Variants in NWD2 observed in about 807,000 individuals in gnomAD.
The protein encoded by NWD2 is NACHT and WD repeat domain-containing protein 2.
In NWD2, 37 loss-of-function variants were observed where a neutral mutation model predicts 132.7. The ratio of observed to expected loss-of-function variants is 0.28; its 90% confidence interval spans 0.21 to 0.37. The LOEUF (loss-of-function observed/expected upper bound fraction) is 0.37. Ranked by LOEUF, NWD2 falls within the 10% of genes least tolerant of loss-of-function variation. The pLI is 1.00. For synonymous variants in NWD2, 705 were observed against 803.0 expected (o/e 0.88, Z 2.06); for missense variants, 1,592 against 2,122.4 (o/e 0.75, Z 4.91).
Position 37,448,508 on chromosome 4 carries a change from A to G in NWD2, c.*1291A>G, listed in dbSNP as rs1459957767. ...TTAATTCACCTGTTTAAAAGAAAAC[A>G]TTGCATCTCAAAAGGTGAAGATGAT... On this transcript the variant is annotated 3_prime_UTR_variant, in exon 7 of 7. Transcript: ENST00000309447. The G allele has an allele frequency of 1.3e-5, 2 of 152,224 alleles. No individual in the cohort carries two copies. Among genetic ancestry groups the G allele is most frequent in the Admixed American group, 1.3e-4 (2 of 15,286 alleles). The allele number at this position is 152,224 out of a possible 1,614,324, so 9.4% of individuals were successfully genotyped here. A position where few individuals can be genotyped will look rare whatever the true frequency, so the allele number is the denominator to read the frequency against.
chr4:37,268,851 G>A (rs1717811861), intron 1 of NWD2, among the ~76,000 whole-genome samples: 1 of 151,826 alleles, frequency 6.6e-6, no homozygotes, highest in Non-Finnish European at 1.5e-5. Context: ...TAAGAGGCAA[G>A]TAAGTGGGCC....
chr4:37,391,418 G>A (rs1034809598), intron 3 of NWD2, among the ~76,000 whole-genome samples: 5 of 152,200 alleles, frequency 3.3e-5, no homozygotes, highest in African/African-American at 1.2e-4. Flanking sequence ...AGGAGTGGGT[G>A]TATTTTGGTC....
intron 3 of NWD2, among the ~76,000 whole-genome samples, chr4:37,419,964 C>G (rs1042107090): frequency 3.9e-5 from 6 of 152,150 alleles, no homozygotes; most frequent in Non-Finnish European, 5.9e-5. Flanking sequence ...ATGTTATACT[C>G]ATTTTTATTG....
Position 37,244,903 on chromosome 4 carries a change from C to G in NWD2, c.-165C>G, listed in dbSNP as rs1038806078. 1.5e-5 allele frequency: 12 copies of G among 819,830 alleles called. No homozygotes were observed. The African/African-American group carries it at 1.7e-4, about 11-fold the overall frequency. The allele number at this position is 819,830 out of a possible 1,614,324, so 50.8% of individuals were successfully genotyped here. On this transcript the variant is annotated 5_prime_UTR_variant, in exon 1 of 7. Transcript: ENST00000309447. This position sits in a 1 kb window ranked among gnomAD's most constrained non-coding sequence, Gnocchi z 5.5. The stretch of plus-strand genomic sequence containing the variant: ...TATGGCTTCTCCTCGCCGGCGGGTG[C>G]TGTGCGCCACGGAGCTCGCCAAAGG...
chr4:37,370,092 C>T (rs1164146586), intron 3 of NWD2, among the ~76,000 whole-genome samples: 1 of 152,318 alleles, frequency 6.6e-6, no homozygotes, highest in East Asian at 1.9e-4. Flanking sequence ...GGGAAACTAC[C>T]TGCACAACTA....
At chr4:37,294,754 A>T (rs1718442053) in intron 1 of NWD2, among the ~76,000 whole-genome samples, 1 of 152,274 alleles carries the variant, frequency 6.6e-6, no homozygotes, top group Non-Finnish European at 1.5e-5. Context: ...GACATCAAAG[A>T]GTAAGCAAAA....
chr4:37,282,889 G>A (rs1718157192), intron 1 of NWD2, among the ~76,000 whole-genome samples: 1 of 152,086 alleles, frequency 6.6e-6, no homozygotes, highest in African/African-American at 2.4e-5. Flanking sequence ...AATTATAACA[G>A]GTACTGTTTA....
chr4:37,366,782 C>T lies in NWD2; in HGVS notation c.357+10300C>T, dbSNP rs921158972. 6.6e-5 allele frequency among the ~76,000 whole-genome samples: 10 copies of T among 152,088 alleles called. No homozygotes were observed. The East Asian group carries it at 1.9e-3, about 29-fold the overall frequency. The stretch of plus-strand genomic sequence containing the variant: ...CATAATGATAAAAGGTTCAATTCAA[C>T]AGAAAAATGTAATATTTCTATATTT... On this transcript the variant is annotated intron_variant, in intron 3 of 6. Transcript: ENST00000309447.
intron 1 of NWD2, among the ~76,000 whole-genome samples, chr4:37,252,902 A>G (rs1463656468): frequency 6.6e-6 from 1 of 152,170 alleles, no homozygotes; most frequent in African/African-American, 2.4e-5. Context: ...GTCTAGATTC[A>G]AGGTGGGGAG....
At chr4:37,250,851 G>A (rs932006093) in intron 1 of NWD2, among the ~76,000 whole-genome samples, 4 of 152,190 alleles carry the variant, frequency 2.6e-5, no homozygotes, top group South Asian at 2.1e-4. Context: ...TACTATACAC[G>A]TAGGTCATAT....
intron 2 of NWD2, among the ~76,000 whole-genome samples, chr4:37,353,862 A>G (rs981462633): frequency 3.3e-5 from 5 of 151,934 alleles, no homozygotes; most frequent in Non-Finnish European, 7.4e-5. Flanking sequence ...CATCAAACTC[A>G]TTCTCCGCCC....
At chr4:37,348,663 TATATATATATATACAC>T (rs1292127409) in intron 2 of NWD2, among the ~76,000 whole-genome samples, 1 of 74,322 alleles carries the variant, frequency 1.3e-5, no homozygotes, top group Non-Finnish European at 2.7e-5. Context: ...TATATATATA[TATATATATATATACAC>T]ACACACACAC....
intron 2 of NWD2, among the ~76,000 whole-genome samples, chr4:37,345,035 T>A (rs921234233): frequency 1.1e-4 from 17 of 152,234 alleles, no homozygotes; most frequent in Non-Finnish European, 1.8e-4. Context: ...TGTGGTAACA[T>A]GCAATGTATT....
At chr4:37,266,515 TGA>T (rs1293519288) in intron 1 of NWD2, among the ~76,000 whole-genome samples, 2 of 152,080 alleles carry the variant, frequency 1.3e-5, no homozygotes, top group African/African-American at 4.8e-5. Flanking sequence ...AAAGAAATTC[TGA>T]GAGAAGGACT....
chr4:37,344,267 A>G (rs1719587149), intron 2 of NWD2, among the ~76,000 whole-genome samples: 1 of 152,146 alleles, frequency 6.6e-6, no homozygotes, highest in Admixed American at 6.5e-5. Context: ...TGTCTGCCCA[A>G]AATGGTGTTT....
chr4:37,442,371 T>C (rs1712509404), intron 6 of NWD2, among the ~76,000 whole-genome samples: 1 of 152,236 alleles, frequency 6.6e-6, no homozygotes, highest in Non-Finnish European at 1.5e-5. Context: ...CTAAACTTAG[T>C]GGGCTCCTCA....
In NWD2 at chr4:37,439,352, A is replaced by T; in HGVS notation, c.1258A>T (p.Thr420Ser). ...TCTTATTATATATGGTGGGCCATGC[A>T]CTGGGAAGACCCTTCTGCTAGCTGA... ...NPLIIYGGPC[T>S]GKTLLLAEVA... is the part of the protein sequence containing the mutation. The change falls in exon 6 of 7, where the codon ACT becomes TCT. Residue 420 changes from threonine to serine, a missense_variant. By Grantham distance (58) the Thr-to-Ser change is moderately conservative. Coordinates refer to ENST00000309447, the MANE Select transcript of NWD2 (RefSeq NM_001144990.2). This position sits in a 1 kb window ranked among gnomAD's most constrained non-coding sequence, Gnocchi z 4.5. The T allele has an allele frequency of 2.0e-6, 3 of 1,514,374 alleles. No homozygotes were observed. Among genetic ancestry groups the T allele is most frequent in the Non-Finnish European group, 2.7e-6 (3 of 1,130,832 alleles). The allele number at this position is 1,514,374 out of a possible 1,614,324, so 93.8% of individuals were successfully genotyped here. A position where few individuals can be genotyped will look rare whatever the true frequency, so the allele number is the denominator to read the frequency against.
At chr4:37,378,894 T>C (rs1401790081) in intron 3 of NWD2, among the ~76,000 whole-genome samples, 8 of 151,858 alleles carry the variant, frequency 5.3e-5, no homozygotes, top group Admixed American at 5.2e-4. Flanking sequence ...CAAACATTTG[T>C]TTTGATAGTT....
intron 1 of NWD2, among the ~76,000 whole-genome samples, chr4:37,319,396 T>G (rs1035622982): frequency 2.0e-5 from 3 of 152,240 alleles, no homozygotes; most frequent in South Asian, 2.1e-4. Flanking sequence ...ATGCATAGTT[T>G]GTGAATATTT....
Sources: gnomAD v4.1 joint callset for allele counts (sites outside exome capture counted in the v4.1 genomes callset) on GRCh38, gnomAD v4.1.1 for gene constraint, Gnocchi (gnomAD v3.1) non-coding constraint, MANE v1.5 for transcripts, NCBI Gene and HGNC (gene_info 2026-07-23, HGNC 2026-07-21) for gene names.